The following CNTD1 variants were observed in gnomAD, a reference collection of about 807,000 sequenced individuals.
CNTD1 encodes cyclin N-terminal domain containing 1, also known as cyclin N-terminal domain-containing protein 1.
In CNTD1, 17 loss-of-function variants were observed where a neutral mutation model predicts 36.3. That is an observed-to-expected ratio of 0.47 (90% CI 0.32 to 0.70). The LOEUF is 0.70. Ranked by LOEUF, CNTD1 falls within the 30% of genes least tolerant of loss-of-function variation. The pLI is 0.03. For missense variants in CNTD1, 338 were observed against 386.1 expected (o/e 0.88, Z 1.04); for synonymous variants, 128 against 153.3 (o/e 0.83, Z 1.22).
At chr17:42,803,862 G>A (rs1321140149) in intron 2 of CNTD1, among the ~76,000 whole-genome samples, 167 bp downstream of exon 2, 1 of 152,076 alleles carries the variant, frequency 6.6e-6, no homozygotes, top group African/African-American at 2.4e-5. Context: ...TTTGAGACAG[G>A]GTCTTGCTCT....
chr17:42,802,557 G>A (rs1297972700), intron 1 of CNTD1, among the ~76,000 whole-genome samples: 2 of 152,192 alleles, frequency 1.3e-5, no homozygotes, highest in African/African-American at 4.8e-5. Context: ...AGGGTATTAT[G>A]CTGAATTGCT....
In CNTD1 at chr17:42,806,668, A is replaced by G; in HGVS notation, c.581-6A>G. The G allele has an allele frequency of 1.2e-6, 2 of 1,613,504 alleles. No individual in the cohort carries two copies. The highest frequency in any genetic ancestry group is 1.7e-6 in the Non-Finnish European group (2 of 1,179,466). On this transcript the variant is annotated splice_region_variant and splice_polypyrimidine_tract_variant and intron_variant, in intron 4 of 6. Transcript: ENST00000588408. ...ATTCTCCCTATCATTCCCATACTCC[A>G]TCTAGGATACAATGGCTGTTTGGTT...
intron 3 of CNTD1, among the ~76,000 whole-genome samples, chr17:42,804,749 A>T (rs1338846080): frequency 6.6e-6 from 1 of 152,100 alleles, no homozygotes; most frequent in Non-Finnish European, 1.5e-5. Flanking sequence ...CGGAGGTTGC[A>T]GTGAGCTGAG....
intron 1 of CNTD1, among the ~76,000 whole-genome samples, chr17:42,802,346 T>C (rs982094304): frequency 1.3e-5 from 2 of 152,148 alleles, no homozygotes; most frequent in Non-Finnish European, 2.9e-5. Flanking sequence ...GGGAAAGGTG[T>C]AACCCTCATC....
Position 42,811,238 on chromosome 17 carries a change from A to G in CNTD1, c.*1703A>G, listed in dbSNP as rs1326464992. Reference sequence around the variant, plus strand: ...GCATCCCTGAACTTGGCGGGGGAGAAAGGAGGCAGAAGAAAAGAAATGCTT... The same window carrying G: ...GCATCCCTGAACTTGGCGGGGGAGAGAGGAGGCAGAAGAAAAGAAATGCTT... On this transcript the variant is annotated 3_prime_UTR_variant, in exon 7 of 7. Coordinates refer to ENST00000588408, the MANE Select transcript of CNTD1 (RefSeq NM_173478.3). 3.6e-5 allele frequency: 11 copies of G among 306,708 alleles called. No individual in the cohort carries two copies. The highest frequency in any genetic ancestry group is 5.9e-5 in the Non-Finnish European group (10 of 169,190). The allele number at this position is 306,708 out of a possible 1,614,324, so 19.0% of individuals were successfully genotyped here. A position where few individuals can be genotyped will look rare whatever the true frequency, so the allele number is the denominator to read the frequency against.
rs2054729415 is a variant in CNTD1 at position 42,799,209 on chromosome 17, G to T, written c.142G>T (p.Gly48Cys). The change falls in exon 1 of 7, where the codon GGC becomes TGC. Residue 48 changes from glycine to cysteine, a missense_variant. Physicochemically the swap from Gly to Cys is radical, Grantham distance 159. Transcript: ENST00000588408. ...AGTGAGGGAGGCTTCGGGGCGGCTG[G>T]GCCGCTTCAGGGAGCCCCAGATCGT... ...QAVREASGRL[G>C]RFREPQIVEF... 1 of 1,613,786 alleles carries T rather than the reference G, an allele frequency of 6.2e-7. No individual in the cohort carries two copies. Among genetic ancestry groups the T allele is most frequent in the African/African-American group, 1.3e-5 (1 of 74,936 alleles).
chr17:42,805,848 C>A lies in CNTD1; in HGVS notation c.544C>A (p.Pro182Thr). ...GAACTTCCGAATTAATCTGCCCACT[C>A]CCCTGGCATATGTGGAGACGCTCCT... Reference protein sequence around the residue: ...SLNFRINLPTPLAYVETLLEV... With the variant: ...SLNFRINLPTTLAYVETLLEV... Residue 182 changes from proline (P) to threonine (T), a missense_variant, in exon 4 of 7, where the codon CCC (proline) becomes ACC (threonine). Pro to Thr is a conservative substitution (Grantham distance 38). Transcript: ENST00000588408. The A allele has an allele frequency of 6.2e-7, 1 of 1,613,824 alleles. No homozygotes were observed. Among genetic ancestry groups the A allele is most frequent in the African/African-American group, 1.3e-5 (1 of 75,016 alleles).
In CNTD1 at chr17:42,801,510, AATATATAT is replaced by A. The variant is rs1216506814; in HGVS notation, c.170-2080_170-2073del. 1.7e-4 allele frequency among the ~76,000 whole-genome samples: 9 copies of A among 54,342 alleles called. 1 individual carries two copies. The East Asian group carries it at 2.2e-3, about 13-fold the overall frequency. The allele number at this position is 54,342 out of a possible 152,430, so 35.7% of individuals were successfully genotyped here. On this transcript the variant is annotated intron_variant, in intron 1 of 6. Coordinates refer to ENST00000588408, the MANE Select transcript of CNTD1 (RefSeq NM_173478.3). ...GACCTTGTCTCAAAAAAAAAAAAAAAATATATATATATATATATATATATATATATATA... is the reference window on the plus strand; with the variant it reads ...GACCTTGTCTCAAAAAAAAAAAAAAAATATATATATATATATATATATATA...
At chr17:42,800,254 T>C (rs1308621197) in intron 1 of CNTD1, among the ~76,000 whole-genome samples, 1 of 151,478 alleles carries the variant, frequency 6.6e-6, no homozygotes, top group Admixed American at 6.6e-5. Context: ...AGCGATGGGG[T>C]AATAGGAAGA....
At position 42,806,694 on chromosome 17, in the gene CNTD1, C is replaced by T. The variant is rs536163523; in HGVS notation, c.601C>T (p.Pro201Ser). The T allele has an allele frequency of 3.1e-6, 5 of 1,613,950 alleles. No homozygotes were observed. Among genetic ancestry groups the T allele is most frequent in the East Asian group, 2.2e-5 (1 of 44,886 alleles). The change falls in exon 5 of 7, where the codon CCA becomes TCA. Residue 201 changes from proline (P) to serine (S), a missense_variant. Transcript: ENST00000588408. Reference sequence around the variant, plus strand: ...TCTAGGATACAATGGCTGTTTGGTTCCAGCCATGAGGCTGCATGCAACCTG... The same window carrying T: ...TCTAGGATACAATGGCTGTTTGGTTTCAGCCATGAGGCTGCATGCAACCTG... ...EVLGYNGCLV[P>S]AMRLHATCLT...
rs528385631 is a variant in CNTD1 at position 42,809,463 on chromosome 17, G to A, written c.921G>A (p.Pro307=). 63 of 1,614,114 alleles carry A rather than the reference G, an allele frequency of 3.9e-5. 1 individual carries two copies. In the South Asian group the frequency reaches 4.3e-4, roughly 11 times the overall value. The change falls in exon 7 of 7, where the codon CCG becomes CCA. Residue 307 remains proline (P), a synonymous_variant. Coordinates refer to ENST00000588408, the MANE Select transcript of CNTD1 (RefSeq NM_173478.3). ...CTCACGGAGTGGGAGCCAACACTCCGGGGAGACAGCAGTCTATTCCTCCCC... is the reference window on the plus strand; with the variant it reads ...CTCACGGAGTGGGAGCCAACACTCCAGGGAGACAGCAGTCTATTCCTCCCC... ...ILTHGVGANT[P]GRQQSIPPHL...
chr17:42,803,026 C>T (rs1259849261), intron 1 of CNTD1, among the ~76,000 whole-genome samples: 3 of 152,222 alleles, frequency 2.0e-5, no homozygotes, highest in African/African-American at 4.8e-5. Context: ...CAGTAACACA[C>T]TTGCTCCTGG....
rs1285178428 is a variant in CNTD1, at chr17:42,809,617, C to G, written c.*82C>G. On this transcript the variant is annotated 3_prime_UTR_variant, in exon 7 of 7. Coordinates refer to ENST00000588408, the MANE Select transcript of CNTD1 (RefSeq NM_173478.3). ...TCTGTTTACTTTCATACTAAGGGTACAAAAATTCCAAGTCTCTTTTGAACT... is the reference window on the plus strand; with the variant it reads ...TCTGTTTACTTTCATACTAAGGGTAGAAAAATTCCAAGTCTCTTTTGAACT... 3 of 1,262,806 alleles carry G rather than the reference C, an allele frequency of 2.4e-6. No homozygotes were observed. In the South Asian group the frequency reaches 4.2e-5, roughly 18 times the overall value. 78.2% of individuals were successfully genotyped at this position (1,262,806 alleles called of 1,614,324 possible).
In CNTD1 at chr17:42,798,937, A is replaced by G; in HGVS notation, c.-131A>G. On this transcript the variant is annotated 5_prime_UTR_variant, in exon 1 of 7. Coordinates refer to ENST00000588408, the MANE Select transcript of CNTD1 (RefSeq NM_173478.3). Reference sequence around the variant, plus strand: ...GTGGTGGTAATTGGGTTTTCCTCAGACTTGAGGCGACGACACACTCATTGG... The same window carrying G: ...GTGGTGGTAATTGGGTTTTCCTCAGGCTTGAGGCGACGACACACTCATTGG... 6.8e-7 allele frequency: 1 copy of G among 1,462,586 alleles called. No homozygotes were observed. The allele number at this position is 1,462,586 out of a possible 1,614,324, so 90.6% of individuals were successfully genotyped here. A position where few individuals can be genotyped will look rare whatever the true frequency, so the allele number is the denominator to read the frequency against.
chr17:42,798,883 C>G lies in CNTD1; in HGVS notation c.-185C>G. On this transcript the variant is annotated 5_prime_UTR_variant, in exon 1 of 7. Transcript: ENST00000588408. ...GCTGAGGAGTCCGTGGCCGTTGGGG[C>G]GGGAAAAAGCTGTGGAGGGTTCGAG... 1 of 1,439,444 alleles carries G rather than the reference C, an allele frequency of 6.9e-7. No homozygotes were observed. The highest frequency in any genetic ancestry group is 9.1e-7 in the Non-Finnish European group (1 of 1,101,680). The allele number at this position is 1,439,444 out of a possible 1,614,324, so 89.2% of individuals were successfully genotyped here. A position where few individuals can be genotyped will look rare whatever the true frequency, so the allele number is the denominator to read the frequency against.
Position 42,807,793 on chromosome 17 carries a change from G to C in CNTD1, c.751G>C (p.Asp251His). 6.2e-7 allele frequency: 1 copy of C among 1,614,000 alleles called. No homozygotes were observed. Among genetic ancestry groups the C allele is most frequent in the Non-Finnish European group, 8.5e-7 (1 of 1,179,884 alleles). ...QGEKFTSVKE[D>H]FMLLAVGIIA... ...GGAAAAGTTTACTTCAGTGAAGGAA[G>C]ACTTCATGCTGTTGGCAGTAGGAAT... The change falls in exon 6 of 7, where the codon GAC becomes CAC. Residue 251 changes from aspartate (D) to histidine (H), a missense_variant. By Grantham distance (81) the Asp-to-His change is moderately conservative (BLOSUM62 -1). Transcript: ENST00000588408.
At chr17:42,800,069 T>TAAA in intron 1 of CNTD1, among the ~76,000 whole-genome samples, 2 of 63,952 alleles carry the variant, frequency 3.1e-5, no homozygotes, top group African/African-American at 6.8e-5. Flanking sequence ...AGACTCTGTC[T>TAAA]AAAAAAAAAA....
At position 42,807,767 on chromosome 17, in the gene CNTD1, G is replaced by T; in HGVS notation, c.726-1G>T. 6.2e-7 allele frequency: 1 copy of T among 1,609,848 alleles called. No homozygotes were observed. Among genetic ancestry groups the T allele is most frequent in the South Asian group, 1.1e-5 (1 of 90,974 alleles). Reference sequence around the variant, plus strand: ...AAATTAATGTGGTTTTAATCACTCAGGGAAAAGTTTACTTCAGTGAAGGAA... The same window carrying T: ...AAATTAATGTGGTTTTAATCACTCATGGAAAAGTTTACTTCAGTGAAGGAA... On this transcript the variant is annotated splice_acceptor_variant, in intron 5 of 6. Transcript: ENST00000588408. LOFTEE classifies it high-confidence loss of function.
At chr17:42,801,222 C>CA (rs2054777659) in intron 1 of CNTD1, among the ~76,000 whole-genome samples, 1 of 146,316 alleles carries the variant, frequency 6.8e-6, no homozygotes, top group Non-Finnish European at 1.5e-5. Flanking sequence ...AAAAACAACA[C>CA]AAAAAACACA....
Sources: allele counts gnomAD v4.1 joint callset (sites outside exome capture counted in the v4.1 genomes callset), GRCh38; gene constraint gnomAD v4.1.1; transcripts MANE v1.5; gene names NCBI Gene and HGNC (gene_info 2026-07-23, HGNC 2026-07-21).